Variants in EOMES observed in about 807,000 individuals in gnomAD.
The protein encoded by EOMES is eomesodermin.
In EOMES, 18 loss-of-function variants were observed where a neutral mutation model predicts 61.0. The ratio of observed to expected loss-of-function variants is 0.30; its 90% CI spans 0.20 to 0.44. The LOEUF is 0.44. EOMES is among the 20% of genes least tolerant of loss of function. The pLI is 1.00. For synonymous variants in EOMES, 430 were observed against 394.0 expected (o/e 1.09, Z -1.08); for missense variants, 885 against 939.2 (o/e 0.94, Z 0.75).
chr3:27,719,954 G>A (rs1342257452), intron 2 of EOMES, among the ~76,000 whole-genome samples: 1 of 152,056 alleles, frequency 6.6e-6, no homozygotes, highest in Non-Finnish European at 1.5e-5. Flanking sequence ...CTTAGTTAAA[G>A]GTTCTAAATA....
In EOMES at chr3:27,716,966, G is replaced by A; in HGVS notation, c.*104C>T. The A allele has an allele frequency of 1.2e-6, 1 of 828,540 alleles. No homozygotes were observed. The highest frequency in any genetic ancestry group is 2.3e-5 in the Admixed American group (1 of 43,158). The allele number at this position is 828,540 out of a possible 1,614,324, so 51.3% of individuals were successfully genotyped here. A position where few individuals can be genotyped will look rare whatever the true frequency, so the allele number is the denominator to read the frequency against. On this transcript the variant is annotated 3_prime_UTR_variant, in exon 6 of 6. Coordinates refer to ENST00000449599, the MANE Select transcript of EOMES (RefSeq NM_001278182.2). ...TGCACAAAACAGGATGCATCAAGGT[G>A]GAAGGCAAACATCTTTTTGGCAACC...
At chr3:27,720,838 T>C (rs1300561071) in intron 1 of EOMES, among the ~76,000 whole-genome samples, 2 of 152,020 alleles carry the variant, frequency 1.3e-5, no homozygotes, top group African/African-American at 2.4e-5. Context: ...GTGTTAGCAG[T>C]TGGATGTATA....
rs778036000 is a variant in EOMES, at chr3:27,719,369, G to T, written c.1149C>A (p.Asn383Lys). Residue 383 changes from asparagine to lysine, a missense_variant, in exon 3 of 6, where the codon AAC (asparagine) becomes AAA (lysine). Around this residue, in one of 3 missense-constraint regions of EOMES, gnomAD observed 177 missense variants for 273.3 expected, o/e 0.65. Transcript: ENST00000449599. ...TGCTCTGTCACTCTACCTGGGTGTT[G>T]TTGTTATTTGCGCCTTTGTTATTGG... The part of the protein sequence containing the change: ...KLTNNKGANN[N>K]NTQMIVLQSL... The T allele has an allele frequency of 6.2e-7, 1 of 1,614,070 alleles. No homozygotes were observed. Among genetic ancestry groups the T allele is most frequent in the South Asian group, 1.1e-5 (1 of 91,086 alleles).
chr3:27,721,658 C>A lies in EOMES; in HGVS notation c.637G>T (p.Gly213Cys), dbSNP rs1283324444. 6.5e-7 allele frequency: 1 copy of A among 1,539,532 alleles called. No homozygotes were observed. ...PGRAQFGPGAGAGSGAGGSSG... is the reference protein window; with the variant it reads ...PGRAQFGPGACAGSGAGGSSG... Reference sequence around the variant, plus strand: ...CTACCGCCCGCGCCACTGCCCGCACCGGCTCCTGGGCCGAACTGCGCCCTC... The same window carrying A: ...CTACCGCCCGCGCCACTGCCCGCACAGGCTCCTGGGCCGAACTGCGCCCTC... The change falls in exon 1 of 6, where the codon GGT becomes TGT. Residue 213 changes from glycine to cysteine, a missense_variant. By Grantham distance (159) the Gly-to-Cys change is radical (BLOSUM62 -3). Coordinates refer to ENST00000449599, the MANE Select transcript of EOMES (RefSeq NM_001278182.2). The surrounding 1 kb of genome is among the most constrained non-coding windows in gnomAD (Gnocchi z 7.4).
chr3:27,718,700 G>C, intron 4 of EOMES, 35 bp downstream of exon 4: 2 of 1,613,372 alleles, frequency 1.2e-6, no homozygotes, highest in Non-Finnish European at 1.7e-6. Context: ...CTGGACCTTA[G>C]CTTTAGAGAT....
At position 27,719,497 on chromosome 3, in the gene EOMES, A is replaced by G. The variant is rs750884531; in HGVS notation, c.1037-16T>C. The G allele has an allele frequency of 1.2e-6, 2 of 1,611,610 alleles. No homozygotes were observed. The highest frequency in any genetic ancestry group is 1.7e-6 in the Non-Finnish European group (2 of 1,178,488). On this transcript the variant is annotated splice_polypyrimidine_tract_variant and intron_variant, in intron 2 of 5. Coordinates refer to ENST00000449599, the MANE Select transcript of EOMES (RefSeq NM_001278182.2). ...ATTTTGTTGCCTAAGAGAAAATGAA[A>G]CAAAACACAAAACCCAAGCATATAG...
upstream of EOMES, chr3:27,722,601 C>A: frequency 1.7e-6 from 2 of 1,177,214 alleles, no homozygotes. Context: ...TCCTCCCAGG[C>A]TCACACGCTG....
At chr3:27,719,814 A>G (rs780034892) in intron 2 of EOMES, among the ~76,000 whole-genome samples, 1 of 152,024 alleles carries the variant, frequency 6.6e-6, no homozygotes, top group Non-Finnish European at 1.5e-5. Context: ...AGACAGTTGG[A>G]TATTTATGGG....
Position 27,717,793 on chromosome 3 carries a change from T to C in EOMES, c.1395A>G (p.Ser465=). 6.2e-7 allele frequency: 1 copy of C among 1,609,476 alleles called. No homozygotes were observed. The change falls in exon 6 of 6, where the codon TCA becomes TCG. Residue 465 remains serine (S), a synonymous_variant. Coordinates refer to ENST00000449599, the MANE Select transcript of EOMES (RefSeq NM_001278182.2). This position sits in a 1 kb window ranked among gnomAD's most constrained non-coding sequence, Gnocchi z 4.5. ...RDNYDSMYTA[S]ENDRLTPSPT... ...GAGATGGAGTTAACCTGTCATTTTC[T>C]GAAGCGGTGTACATGCTACAATATA...
chr3:27,718,274 G>A (rs184626668), intron 5 of EOMES, among the ~76,000 whole-genome samples: 1 of 151,752 alleles, frequency 6.6e-6, no homozygotes, highest in Non-Finnish European at 1.5e-5. Flanking sequence ...ATCTGCTCTT[G>A]GGAGGATAAA....
chr3:27,717,590 G>A lies in EOMES; in HGVS notation c.1598C>T (p.Pro533Leu). The A allele has an allele frequency of 6.2e-7, 1 of 1,614,184 alleles. No individual in the cohort carries two copies. The highest frequency in any genetic ancestry group is 8.5e-7 in the Non-Finnish European group (1 of 1,180,026). The change falls in exon 6 of 6, where the codon CCT (proline) becomes CTT (leucine). Residue 533 changes from proline to leucine, a missense_variant. Coordinates refer to ENST00000449599, the MANE Select transcript of EOMES (RefSeq NM_001278182.2). This position sits in a 1 kb window ranked among gnomAD's most constrained non-coding sequence, Gnocchi z 4.5. ...AGGCGTGACAAGCCACCGCTGGGGA[G>A]GGTTGGCCACCTCTTCGCTCTGTTG... is the stretch of plus-strand genomic sequence containing the variant. ...SPQQSEEVAN[P>L]PQRWLVTPVQ...
rs769237165 is a variant in EOMES at position 27,721,527 on chromosome 3, C to G, written c.768G>C (p.Gly256=). 25 of 1,610,714 alleles carry G rather than the reference C, an allele frequency of 1.6e-5. No homozygotes were observed. In the South Asian group the frequency reaches 2.8e-4, roughly 18 times the overall value. ...AGCCAGAACCTGGAACCCCCAGGCC[C>G]CCCAGTCCTCCGCAAGATCCCGCCG... is the stretch of plus-strand genomic sequence containing the variant. ...AAAAGSCGGL[G]GLGVPGSGFR... is the part of the protein sequence containing the mutation. Residue 256 remains glycine (G), a synonymous_variant, in exon 1 of 6, where the codon GGG becomes GGC. Transcript: ENST00000449599. This position sits in a 1 kb window ranked among gnomAD's most constrained non-coding sequence, Gnocchi z 7.4.
Position 27,722,126 on chromosome 3 carries a change from C to T in EOMES, c.169G>A (p.Gly57Ser), listed in dbSNP as rs1188896468. The change falls in exon 1 of 6, where the codon GGC (glycine) becomes AGC (serine). Residue 57 changes from glycine (G) to serine (S), a missense_variant. Gly to Ser is a moderately conservative substitution (Grantham distance 56). This residue lies in a region of EOMES where 449 missense variants were observed against 383.6 expected (regional missense o/e 1.17). Coordinates refer to ENST00000449599, the MANE Select transcript of EOMES (RefSeq NM_001278182.2). ...DLDKASKKFS[G>S]SLSCEAVSGE... ...CTCACCGCCTCGCAGGAGAGACTGCCGGAAAACTTCTTGGACGCTTTGTCT... is the reference window on the plus strand; with the variant it reads ...CTCACCGCCTCGCAGGAGAGACTGCTGGAAAACTTCTTGGACGCTTTGTCT... The T allele has an allele frequency of 6.4e-7, 1 of 1,554,304 alleles. No homozygotes were observed. Among genetic ancestry groups the T allele is most frequent in the Admixed American group, 2.0e-5 (1 of 51,156 alleles).
In EOMES at chr3:27,716,112, T is replaced by G. The variant is rs1188637206; in HGVS notation, c.*958A>C. ...GCAAGAAGAGGATGAAATAGGAGTT[T>G]TCCTTAAACACGGTTCAAGTTAGTA... On this transcript the variant is annotated 3_prime_UTR_variant, in exon 6 of 6. Transcript: ENST00000449599. 1 of 152,224 alleles carries G rather than the reference T, an allele frequency of 6.6e-6. No homozygotes were observed. Among genetic ancestry groups the G allele is most frequent in the Non-Finnish European group, 1.5e-5 (1 of 68,052 alleles). 9.4% of individuals were successfully genotyped at this position (152,224 alleles called of 1,614,324 possible). A position where few individuals can be genotyped will look rare whatever the true frequency, so the allele number is the denominator to read the frequency against.
rs1367965798 is a variant in EOMES, at chr3:27,717,958, C to T, written c.1380-150G>A. 58 of 611,026 alleles carry T rather than the reference C, an allele frequency of 9.5e-5. No individual in the cohort carries two copies. The South Asian group carries it at 1.5e-3, about 16-fold the overall frequency. 37.9% of individuals were successfully genotyped at this position (611,026 alleles called of 1,614,324 possible). On this transcript the variant is annotated intron_variant, in intron 5 of 5. Coordinates refer to ENST00000449599, the MANE Select transcript of EOMES (RefSeq NM_001278182.2). The surrounding 1 kb of genome is among the most constrained non-coding windows in gnomAD (Gnocchi z 4.5). The stretch of plus-strand genomic sequence containing the variant: ...GCTGAAAGAACAGAGGCAGGAGATG[C>T]ACTGGCCCATTTTAGCTGGACTCTT...
At position 27,717,409 on chromosome 3, in the gene EOMES, C is replaced by A. The variant is rs1344422559; in HGVS notation, c.1779G>T (p.Gly593=). 1 of 1,614,194 alleles carries A rather than the reference C, an allele frequency of 6.2e-7. No homozygotes were observed. The highest frequency in any genetic ancestry group is 8.5e-7 in the Non-Finnish European group (1 of 1,180,024). ...YPDPTFPAMA[G]WGGRGSYQRK... ...TCTGGTAAGAACCTCGACCTCCCCA[C>A]CCTGCCATTGCAGGAAAGGTTGGGT... Residue 593 remains glycine (G), a synonymous_variant, in exon 6 of 6, where the codon GGG becomes GGT. Transcript: ENST00000449599. The surrounding 1 kb of genome is among the most constrained non-coding windows in gnomAD (Gnocchi z 4.5).
rs1559928868 is a variant in EOMES at position 27,721,931 on chromosome 3, C to CGGG, written c.363_364insCCC (p.Ala121_Ala122insPro). On this transcript the variant is annotated inframe_insertion, in exon 1 of 6. Coordinates refer to ENST00000449599, the MANE Select transcript of EOMES (RefSeq NM_001278182.2). The surrounding 1 kb of genome is among the most constrained non-coding windows in gnomAD (Gnocchi z 7.4). ...GCCGCAGCCGCGGCGGCGGCGGCGG[C>CGGG]GGCGGCTGCAGCGGCGGAGGGCAGC... 1 of 1,369,348 alleles carries CGGG rather than the reference C, an allele frequency of 7.3e-7. No individual in the cohort carries two copies. The highest frequency in any genetic ancestry group is 9.3e-7 in the Non-Finnish European group (1 of 1,074,068). The allele number at this position is 1,369,348 out of a possible 1,614,324, so 84.8% of individuals were successfully genotyped here. A position where few individuals can be genotyped will look rare whatever the true frequency, so the allele number is the denominator to read the frequency against.
intron 2 of EOMES, among the ~76,000 whole-genome samples, chr3:27,719,860 A>C (rs1319972871): frequency 6.6e-6 from 1 of 152,020 alleles, no homozygotes; most frequent in African/African-American, 2.4e-5. Flanking sequence ...TCAAGTGAAC[A>C]TTAGAATCCC....
intron 1 of EOMES, among the ~76,000 whole-genome samples, chr3:27,720,605 G>A (rs181355925): frequency 7.2e-6 from 1 of 137,962 alleles, no homozygotes; most frequent in Non-Finnish European, 1.5e-5. Flanking sequence ...CCAAATTCGC[G>A]CGTGCTTCCG....
Sources: allele counts gnomAD v4.1 joint callset (sites outside exome capture counted in the v4.1 genomes callset), GRCh38; gene constraint gnomAD v4.1.1; regional missense constraint gnomAD v4.1.1; non-coding constraint Gnocchi (gnomAD v3.1); transcripts MANE v1.5; gene names NCBI Gene and HGNC (gene_info 2026-07-23, HGNC 2026-07-21).